Variants in PTPRD observed in about 807,000 individuals in gnomAD.
The protein encoded by PTPRD is receptor-type tyrosine-protein phosphatase delta.
A neutral mutation model predicts 214.5 loss-of-function variants in PTPRD; 34 were observed. The observed-to-expected ratio is 0.16, with a 90% CI of 0.12 to 0.21. PTPRD has a LOEUF of 0.21. Ranked by LOEUF, PTPRD falls within the 10% of genes least tolerant of loss-of-function variation. The pLI is 1.00. For synonymous variants in PTPRD, 1,128 were observed against 845.7 expected (o/e 1.33, Z -5.79); for missense variants, 2,545 against 2,398.7 (o/e 1.06, Z -1.27).
chr9:8,406,030 A>G (rs1173053542), intron 35 of PTPRD, among the ~76,000 whole-genome samples: 2 of 152,196 alleles, frequency 1.3e-5, no homozygotes, highest in African/African-American at 4.8e-5. Context: ...TTTACTAAGG[A>G]TTATTAAACT....
chr9:9,043,706 C>G (rs1569497083), intron 10 of PTPRD, among the ~76,000 whole-genome samples: 1 of 151,972 alleles, frequency 6.6e-6, no homozygotes, highest in Non-Finnish European at 1.5e-5. Flanking sequence ...ATGTTTGACA[C>G]CAGCCTTGCC....
chr9:10,170,632 A>C (rs56024158), intron 3 of PTPRD, among the ~76,000 whole-genome samples: 8,094 of 152,274 alleles, frequency 0.053, 307 homozygotes, highest in Admixed American at 0.1. Flanking sequence ...GCTTGCAGTG[A>C]GTCGAGATCG....
At chr9:10,027,897 T>C (rs946369142) in intron 4 of PTPRD, among the ~76,000 whole-genome samples, 7 of 152,170 alleles carry the variant, frequency 4.6e-5, no homozygotes, top group Admixed American at 2.6e-4. Flanking sequence ...TTTTTCCTAA[T>C]GGATTTTGTT....
rs1212210958 is a variant in PTPRD, at chr9:9,393,230, A to G, written c.-203+4219T>C. On this transcript the variant is annotated intron_variant, in intron 9 of 45. Coordinates refer to ENST00000381196, the MANE Select transcript of PTPRD (RefSeq NM_002839.4). ...GATAGACTGAACCATGCCTCCAGGT[A>G]TGCGTATACTTGTCATCTTTCTCAT... Among the ~76,000 whole-genome samples the G allele has an allele frequency of 3.3e-5, 5 of 152,168 alleles. No homozygotes were observed. The South Asian group carries it at 8.3e-4, about 25-fold the overall frequency.
chr9:10,429,754 G>A (rs551372017), intron 2 of PTPRD, among the ~76,000 whole-genome samples: 3 of 150,622 alleles, frequency 2.0e-5, no homozygotes, highest in Non-Finnish European at 3.0e-5. Flanking sequence ...GAGTGGAAGG[G>A]GGGAGGATGA....
intron 11 of PTPRD, among the ~76,000 whole-genome samples, chr9:8,846,931 G>A (rs2097708278): frequency 6.6e-6 from 1 of 152,118 alleles, no homozygotes; most frequent in African/African-American, 2.4e-5. Context: ...GATCATGCTG[G>A]CTGCAGAGCA....
intron 5 of PTPRD, among the ~76,000 whole-genome samples, chr9:9,929,680 C>T (rs2085681868): frequency 6.6e-6 from 1 of 152,190 alleles, no homozygotes; most frequent in Non-Finnish European, 1.5e-5. Context: ...GCTCAAGCCA[C>T]AGCGCCTGGC....
intron 36 of PTPRD, among the ~76,000 whole-genome samples, chr9:8,392,503 G>A (rs2089937740): frequency 6.6e-6 from 1 of 151,920 alleles, no homozygotes; most frequent in South Asian, 2.1e-4. Context: ...TTCATTCCTG[G>A]GCGACAGAGC....
In PTPRD at chr9:10,436,874, G is replaced by T. The variant is rs78910322; in HGVS notation, c.-599-95857C>A. On this transcript the variant is annotated intron_variant, in intron 2 of 45. Transcript: ENST00000381196. Reference sequence around the variant, plus strand: ...TTGGTTCAGGAGGGGCTTGAAAACAGAGTTTAAGAGCTAATATACTCACGG... The same window carrying T: ...TTGGTTCAGGAGGGGCTTGAAAACATAGTTTAAGAGCTAATATACTCACGG... Among the ~76,000 whole-genome samples, 1,466 of 151,838 alleles carry T rather than the reference G, an allele frequency of 9.7e-3. 12 individuals are homozygous for T. The highest frequency in any genetic ancestry group is 0.015 in the Non-Finnish European group (1,027 of 67,822).
chr9:9,504,510 C>T (rs895035931), intron 8 of PTPRD, among the ~76,000 whole-genome samples: 1 of 151,618 alleles, frequency 6.6e-6, no homozygotes, highest in Non-Finnish European at 1.5e-5. Flanking sequence ...CACTTCAGCA[C>T]AATACCTACC....
chr9:9,554,909 T>C (rs1438104250), intron 8 of PTPRD, among the ~76,000 whole-genome samples: 1 of 152,062 alleles, frequency 6.6e-6, no homozygotes, highest in Non-Finnish European at 1.5e-5. Context: ...ATCTGCAAAA[T>C]GTGGATTTTA....
intron 3 of PTPRD, among the ~76,000 whole-genome samples, chr9:10,071,319 C>T (rs2098010068): frequency 6.6e-6 from 1 of 151,974 alleles, no homozygotes; most frequent in Non-Finnish European, 1.5e-5. Context: ...ATATCCAGAA[C>T]AATAGTGGAC....
At chr9:10,075,050 T>C (rs2098111133) in intron 3 of PTPRD, among the ~76,000 whole-genome samples, 1 of 152,142 alleles carries the variant, frequency 6.6e-6, no homozygotes, top group Non-Finnish European at 1.5e-5. Flanking sequence ...TCATTCTGTG[T>C]GGATTTCATG....
chr9:9,627,869 A>G (rs943402241), intron 7 of PTPRD, among the ~76,000 whole-genome samples: 2 of 152,212 alleles, frequency 1.3e-5, no homozygotes, highest in Admixed American at 6.5e-5. Flanking sequence ...ACAGCAGGGT[A>G]TAACAGAGGT....
Position 10,485,028 on chromosome 9 carries a change from A to AT in PTPRD, c.-600+127369dup, listed in dbSNP as rs34004774. On this transcript the variant is annotated intron_variant, in intron 2 of 45. Transcript: ENST00000381196. ...TAAGTGTTTAATCAATTTTTACTTG[A>AT]TTTTTTTTTTGCATATGAAAGGAGA... 6.9e-3 allele frequency among the ~76,000 whole-genome samples: 1,032 copies of AT among 149,520 alleles called. 5 individuals carry two copies. Among genetic ancestry groups the AT allele is most frequent in the Non-Finnish European group, 9.7e-3 (649 of 67,100 alleles).
chr9:10,385,267 T>C (rs2097895089), intron 2 of PTPRD, among the ~76,000 whole-genome samples: 2 of 151,952 alleles, frequency 1.3e-5, no homozygotes, highest in South Asian at 4.1e-4. Flanking sequence ...TCTGGTTATA[T>C]ATGCAGTGTG....
intron 12 of PTPRD, among the ~76,000 whole-genome samples, chr9:8,726,596 T>A (rs1379070019): frequency 0.51 from 1,304 of 2,536 alleles, 425 homozygotes; most frequent in African/African-American, 0.71. Context: ...AAAATATATA[T>A]ATATATATAT....
chr9:8,818,238 A>T (rs1264604644), intron 11 of PTPRD, among the ~76,000 whole-genome samples: 2 of 152,212 alleles, frequency 1.3e-5, no homozygotes, highest in Non-Finnish European at 2.9e-5. Context: ...CATCCTAATT[A>T]AATGATAGCA....
At chr9:9,308,361 G>C (rs1466403605) in intron 9 of PTPRD, among the ~76,000 whole-genome samples, 1 of 152,180 alleles carries the variant, frequency 6.6e-6, no homozygotes, top group East Asian at 1.9e-4. Context: ...TATGAGAATT[G>C]CAAGAATATT....
Sources: gnomAD v4.1 joint callset for allele counts (sites outside exome capture counted in the v4.1 genomes callset) on GRCh38, gnomAD v4.1.1 for gene constraint, MANE v1.5 for transcripts, NCBI Gene and HGNC (gene_info 2026-07-23, HGNC 2026-07-21) for gene names.